The following SPOCK3 variants were observed in gnomAD, a reference collection of about 807,000 sequenced individuals.
The protein encoded by SPOCK3 is SPARC (osteonectin), cwcv and kazal like domains proteoglycan 3, also known as testican-3.
Under a neutral mutation model 56.6 loss-of-function variants are expected in SPOCK3, and 30 were observed. That is an observed-to-expected ratio of 0.53 (90% CI 0.40 to 0.72). The LOEUF (loss-of-function observed/expected upper bound fraction) is 0.72. Among genes scored for constraint, SPOCK3 ranks in the 30% least tolerant of loss-of-function variants. The pLI is 0.00. For synonymous variants in SPOCK3, 196 were observed against 183.3 expected (o/e 1.07, Z -0.56); for missense variants, 527 against 530.0 (o/e 0.99, Z 0.06).
chr4:167,083,177 T>C (rs1757876351), intron 2 of SPOCK3: 2 of 764,730 alleles, frequency 2.6e-6, no homozygotes, highest in East Asian at 2.4e-5. Context: ...ACAAGATGTA[T>C]TGAGATAGCT....
At chr4:166,845,162 C>A (rs966357599) in intron 6 of SPOCK3, among the ~76,000 whole-genome samples, 3 of 152,140 alleles carry the variant, frequency 2.0e-5, no homozygotes, top group Non-Finnish European at 2.9e-5. Context: ...ATTTATGAAT[C>A]TTTGTGATAT....
chr4:167,205,114 C>T (rs1208966919), intron 2 of SPOCK3, among the ~76,000 whole-genome samples: 2 of 122,860 alleles, frequency 1.6e-5, no homozygotes, highest in Non-Finnish European at 3.2e-5. Flanking sequence ...ATGAACACTC[C>T]ATGCCTGACT....
intron 6 of SPOCK3, among the ~76,000 whole-genome samples, chr4:166,888,031 A>G (rs536619289): frequency 6.6e-6 from 1 of 152,192 alleles, no homozygotes; most frequent in Non-Finnish European, 1.5e-5. Context: ...AGGTAATGCT[A>G]TAACATTTAG....
At chr4:166,901,826 C>A (rs560804902) in intron 5 of SPOCK3, among the ~76,000 whole-genome samples, 10 of 152,230 alleles carry the variant, frequency 6.6e-5, no homozygotes, top group Admixed American at 3.3e-4. Flanking sequence ...ATAAATTTTG[C>A]TTGCAGGTTT....
At chr4:166,908,428 C>A (rs1736870435) in intron 5 of SPOCK3, among the ~76,000 whole-genome samples, 1 of 150,568 alleles carries the variant, frequency 6.6e-6, no homozygotes, top group Non-Finnish European at 1.5e-5. Flanking sequence ...ATTCATGGGG[C>A]CCCATTCCAA....
At chr4:166,823,335 T>C (rs1207719773) in intron 6 of SPOCK3, among the ~76,000 whole-genome samples, 1 of 151,790 alleles carries the variant, frequency 6.6e-6, no homozygotes, top group Non-Finnish European at 1.5e-5. Context: ...AGACACTAGA[T>C]AAAAAAAATT....
At chr4:166,827,405 T>C (rs866493295) in intron 6 of SPOCK3, among the ~76,000 whole-genome samples, 2 of 152,236 alleles carry the variant, frequency 1.3e-5, no homozygotes, top group African/African-American at 4.8e-5. Context: ...TGGCATGAGA[T>C]AAGCAGCCAA....
At chr4:166,947,872 G>A (rs1741974605) in intron 4 of SPOCK3, among the ~76,000 whole-genome samples, 1 of 152,158 alleles carries the variant, frequency 6.6e-6, no homozygotes, top group Non-Finnish European at 1.5e-5. Context: ...TTTTCGTGGT[G>A]AGAACATTCA....
At chr4:166,754,177 A>G in intron 8 of SPOCK3, 2 of 1,029,996 alleles carry the variant, frequency 1.9e-6, no homozygotes, top group Non-Finnish European at 2.3e-6. Flanking sequence ...ATTGTGGGCA[A>G]AGCAGATAGC....
At chr4:166,740,329 G>A (rs1293719136) in intron 9 of SPOCK3, among the ~76,000 whole-genome samples, 1 of 65,926 alleles carries the variant, frequency 1.5e-5, no homozygotes, top group Non-Finnish European at 3.5e-5. Context: ...TCCCAAATGG[G>A]AACTAAGTAT....
intron 3 of SPOCK3, among the ~76,000 whole-genome samples, chr4:167,020,982 T>C (rs1050646936): frequency 8.5e-5 from 13 of 152,060 alleles, no homozygotes; most frequent in African/African-American, 2.4e-4. Context: ...ATTGGAAATA[T>C]ACTGTTAGAT....
intron 5 of SPOCK3, among the ~76,000 whole-genome samples, chr4:166,902,090 T>A (rs902589422): frequency 6.6e-6 from 1 of 152,148 alleles, no homozygotes; most frequent in Non-Finnish European, 1.5e-5. Context: ...TTCAAGGATG[T>A]TTATGTAGCA....
intron 4 of SPOCK3, among the ~76,000 whole-genome samples, chr4:166,974,627 C>T (rs184761760): frequency 1.4e-3 from 220 of 152,224 alleles, no homozygotes; most frequent in African/African-American, 5.2e-3. Context: ...TTCTCTCCTA[C>T]CAAGTTTTCT....
At chr4:166,976,150 C>G (rs1344205524) in intron 4 of SPOCK3, among the ~76,000 whole-genome samples, 1 of 139,438 alleles carries the variant, frequency 7.2e-6, no homozygotes, top group Admixed American at 6.9e-5. Context: ...AATTAACTAA[C>G]CAAGAAAAAT....
At chr4:167,070,139 C>T (rs377683489) in intron 2 of SPOCK3, among the ~76,000 whole-genome samples, 1 of 151,866 alleles carries the variant, frequency 6.6e-6, no homozygotes, top group East Asian at 1.9e-4. Context: ...AACATAATTA[C>T]AAACACAACA....
At chr4:166,999,692 G>A (rs900847797) in intron 4 of SPOCK3, among the ~76,000 whole-genome samples, 2 of 152,088 alleles carry the variant, frequency 1.3e-5, no homozygotes, top group African/African-American at 2.4e-5. Context: ...ATTGTGGCGC[G>A]TTCAAATTTT....
chr4:167,145,894 TG>T (rs1763908258), intron 2 of SPOCK3, among the ~76,000 whole-genome samples: 1 of 152,128 alleles, frequency 6.6e-6, no homozygotes, highest in African/African-American at 2.4e-5. Context: ...ATGAAGAAAC[TG>T]CATCAGCTAA....
intron 2 of SPOCK3, among the ~76,000 whole-genome samples, chr4:167,183,889 T>C (rs1219161956): frequency 6.6e-6 from 1 of 152,158 alleles, no homozygotes; most frequent in Non-Finnish European, 1.5e-5. Context: ...AGAAGAAATA[T>C]CTAGACATAG....
intron 4 of SPOCK3, among the ~76,000 whole-genome samples, chr4:166,988,956 G>A (rs935654656): frequency 6.6e-6 from 1 of 151,904 alleles, no homozygotes; most frequent in African/African-American, 2.4e-5. Flanking sequence ...ATGCAGGATG[G>A]AATTAAATAT....
Sources: gnomAD v4.1 joint callset for allele counts (sites outside exome capture counted in the v4.1 genomes callset) on GRCh38, gnomAD v4.1.1 for gene constraint, MANE v1.5 for transcripts, NCBI Gene and HGNC (gene_info 2026-07-23, HGNC 2026-07-21) for gene names.